The following TTN variants were observed in gnomAD, a reference collection of about 807,000 sequenced individuals.
TTN encodes the protein connectin.
A neutral mutation model predicts 3,223.0 loss-of-function variants in TTN; 1,525 were observed. The ratio of observed to expected loss-of-function variants is 0.47; its 90% CI spans 0.45 to 0.49. The LOEUF (loss-of-function observed/expected upper bound fraction) is 0.49. TTN is among the 20% of genes least tolerant of loss of function. TTN has a pLI of 0.00. For synonymous variants in TTN, 14,094 were observed against 15,161.0 expected (o/e 0.93, Z 5.17); for missense variants, 40,786 against 43,424.0 (o/e 0.94, Z 5.40).
Position 178,729,724 on chromosome 2 carries a change from C to T in TTN, c.18529G>A (p.Val6177Met), listed in dbSNP as rs1553921514. 4 of 1,613,800 alleles carry T rather than the reference C, an allele frequency of 2.5e-6. No homozygotes were observed. Among genetic ancestry groups the T allele is most frequent in the Non-Finnish European group, 3.4e-6 (4 of 1,179,748 alleles). Residue 6177 changes from valine to methionine, a missense_variant, in exon 63 of 363, where the codon GTG (valine) becomes ATG (methionine). Transcript: ENST00000589042. ...CCTGCGTCATTTCGAGCTTCACACA[C>T]ATAAGTCCCACTATTTTCTACCCTG... ...GARVENSGTY[V>M]CEARNDAGTA...
At position 178,625,306 on chromosome 2, in the gene TTN, C is replaced by T. The variant is rs753336110; in HGVS notation, c.44515G>A (p.Asp14839Asn). Residue 14839 changes from aspartate (D) to asparagine (N), a missense_variant, in exon 241 of 363, where the codon GAT becomes AAT. Coordinates refer to ENST00000589042, the MANE Select transcript of TTN (RefSeq NM_001267550.2). ...DAGEVQLTAK[D>N]FKTHANLFVK... Reference sequence around the variant, plus strand: ...AAGAGGTTGGCGTGAGTTTTGAAATCTTTTGCTGTTAGTTGGACTTCCCCA... The same window carrying T: ...AAGAGGTTGGCGTGAGTTTTGAAATTTTTTGCTGTTAGTTGGACTTCCCCA... 1 of 1,607,792 alleles carries T rather than the reference C, an allele frequency of 6.2e-7. No individual in the cohort carries two copies. Among genetic ancestry groups the T allele is most frequent in the South Asian group, 1.1e-5 (1 of 90,240 alleles).
At position 178,779,093 on chromosome 2, in the gene TTN, C is replaced by A; in HGVS notation, c.3989G>T (p.Arg1330Leu). The change falls in exon 24 of 363, where the codon CGC becomes CTC. Residue 1330 changes from arginine to leucine, a missense_variant. Physicochemically the swap from Arg to Leu is moderately radical, Grantham distance 102. Transcript: ENST00000589042. ...PKIAWYKDGKRIKHGERYQMD... is the reference protein window; with the variant it reads ...PKIAWYKDGKLIKHGERYQMD... ...TTGGTATCTTTCTCCATGTTTGATGCGCTTGCCATCTTTGTACCAAGCAAT... is the reference window on the plus strand; with the variant it reads ...TTGGTATCTTTCTCCATGTTTGATGAGCTTGCCATCTTTGTACCAAGCAAT... 6.2e-7 allele frequency: 1 copy of A among 1,613,782 alleles called. No individual in the cohort carries two copies. Among genetic ancestry groups the A allele is most frequent in the South Asian group, 1.1e-5 (1 of 91,052 alleles).
rs1295762058 is a variant in TTN at position 178,738,067 on chromosome 2, A to G, written c.14371+15T>C. 3 of 1,607,986 alleles carry G rather than the reference A, an allele frequency of 1.9e-6. No homozygotes were observed. Among genetic ancestry groups the G allele is most frequent in the South Asian group, 1.1e-5 (1 of 90,666 alleles). ...AAATGAAGTGACAACATCTGTGCCA[A>G]TGTATGGCATTTACCTGTCACAGTT... On this transcript the variant is annotated intron_variant, in intron 49 of 362. Coordinates refer to ENST00000589042, the MANE Select transcript of TTN (RefSeq NM_001267550.2).
chr2:178,721,817 C>G, intron 78 of TTN, 30 bp downstream of exon 78: 2 of 1,463,314 alleles, frequency 1.4e-6, no homozygotes, highest in Non-Finnish European at 9.1e-7. Context: ...TGGTAAGGAA[C>G]AAATATTGTC....
At chr2:178,701,408 G>A in intron 110 of TTN, 120 bp downstream of exon 110, 1 of 1,108,438 alleles carries the variant, frequency 9.0e-7, no homozygotes, top group Non-Finnish European at 1.3e-6. Flanking sequence ...TGAAGAATAT[G>A]ACATGGAAGG....
intron 278 of TTN, 101 bp from the exon 279 acceptor site, chr2:178,605,814 T>C: frequency 9.2e-7 from 1 of 1,090,522 alleles, no homozygotes; most frequent in Non-Finnish European, 1.2e-6. Context: ...AGCCTTCTGT[T>C]TGGCATAACC....
At chr2:178,691,959 A>G in intron 121 of TTN, 57 bp downstream of exon 121, 1 of 1,466,694 alleles carries the variant, frequency 6.8e-7, no homozygotes, top group Non-Finnish European at 9.4e-7. Flanking sequence ...AAGATCGTAG[A>G]AAGCAAAAGG....
intron 359 of TTN, 52 bp downstream of exon 359, chr2:178,529,908 T>A: frequency 1.3e-6 from 2 of 1,536,484 alleles, no homozygotes; most frequent in East Asian, 2.3e-5. Flanking sequence ...TGAAAATATT[T>A]CCCTAATATT....
Position 178,551,932 on chromosome 2 carries a change from C to T in TTN, c.90968G>A (p.Arg30323Lys), listed in dbSNP as rs11887722. 6.5e-3 allele frequency: 10,503 copies of T among 1,613,532 alleles called. 517 individuals carry two copies. The African/African-American group carries it at 0.11, about 18-fold the overall frequency. ...TGGCTTTCCTGGGGGACCAGGAATC[C>T]TGAACTGGTGTTTTGCCACAATAAT... ...SSIIVAKHQF[R>K]IPGPPGKPVI... is the part of the protein sequence containing the mutation. The change falls in exon 335 of 363, where the codon AGG (arginine) becomes AAG (lysine). Residue 30323 changes from arginine (R) to lysine (K), a missense_variant. By Grantham distance (26) the Arg-to-Lys change is conservative. Coordinates refer to ENST00000589042, the MANE Select transcript of TTN (RefSeq NM_001267550.2).
chr2:178,530,159 T>C, intron 358 of TTN, 43 bp from the exon 359 acceptor site: 2 of 1,566,434 alleles, frequency 1.3e-6, no homozygotes, highest in Non-Finnish European at 1.7e-6. Flanking sequence ...GTGATTTCAT[T>C]TTAAGCTTTT....
At chr2:178,665,302 A>T in intron 165 of TTN, 75 bp downstream of exon 165, 2 of 1,333,840 alleles carry the variant, frequency 1.5e-6, no homozygotes, top group East Asian at 2.3e-5. Flanking sequence ...TATGAAGAGT[A>T]TTAGGAAGAA....
chr2:178,528,200 G>A, intron 361 of TTN, 74 bp downstream of exon 361: 1 of 1,481,722 alleles, frequency 6.7e-7, no homozygotes, highest in Non-Finnish European at 9.1e-7. Context: ...AGAGTTTTCT[G>A]TGCTTGAAAG....
chr2:178,712,332 G>A lies in TTN; in HGVS notation c.27590C>T (p.Ala9197Val), dbSNP rs1219833647. The A allele has an allele frequency of 1.2e-6, 2 of 1,613,592 alleles. No homozygotes were observed. Among genetic ancestry groups the A allele is most frequent in the East Asian group, 2.2e-5 (1 of 44,876 alleles). The part of the protein sequence containing the change: ...ENASGKDSCS[A>V]QILILEPPYF... ...TGACAAACCTAGTATGAGTATTTGT[G>A]CTGAACAGGAATCTTTTCCAGAGGC... The change falls in exon 95 of 363, where the codon GCA becomes GTA. Residue 9197 changes from alanine to valine, a missense_variant. By Grantham distance (64) the Ala-to-Val change is moderately conservative. Transcript: ENST00000589042.
At chr2:178,665,340 T>G in intron 165 of TTN, 37 bp downstream of exon 165, 2 of 1,566,140 alleles carry the variant, frequency 1.3e-6, no homozygotes, top group Non-Finnish European at 1.8e-6. Context: ...AGAGGACAGA[T>G]AATTTCTTCT....
Position 178,769,904 on chromosome 2 carries a change from C to T in TTN, c.8677G>A (p.Val2893Met). 1.2e-6 allele frequency: 2 copies of T among 1,614,024 alleles called. No homozygotes were observed. The highest frequency in any genetic ancestry group is 1.7e-6 in the Non-Finnish European group (2 of 1,179,984). Residue 2893 changes from valine to methionine, a missense_variant, in exon 37 of 363, where the codon GTG becomes ATG. Val to Met is a conservative substitution (Grantham distance 21). Transcript: ENST00000589042. The stretch of plus-strand genomic sequence containing the variant: ...AAAGAGGCAGTTTTGGTCTCAGGCA[C>T]CTCGATATTTTTCATGGTTTTTGTA... ...HITKTMKNIE[V>M]PETKTASFEC... is the part of the protein sequence containing the mutation.
Position 178,611,094 on chromosome 2 carries a change from A to G in TTN, c.51035T>C (p.Leu17012Pro). The G allele has an allele frequency of 6.2e-7, 1 of 1,612,830 alleles. No individual in the cohort carries two copies. The highest frequency in any genetic ancestry group is 8.5e-7 in the Non-Finnish European group (1 of 1,179,210). Reference sequence around the variant, plus strand: ...TGCACGGACACTCTTGGGAACTTCAAGGTGTGCAGAGATGTGATCATTCTT... The same window carrying G: ...TGCACGGACACTCTTGGGAACTTCAGGGTGTGCAGAGATGTGATCATTCTT... ...TMKNDHISAH[L>P]EVPKSVRADA... The change falls in exon 270 of 363, where the codon CTT becomes CCT. Residue 17012 changes from leucine to proline, a missense_variant. Physicochemically the swap from Leu to Pro is moderately conservative, Grantham distance 98 (BLOSUM62 -3). Coordinates refer to ENST00000589042, the MANE Select transcript of TTN (RefSeq NM_001267550.2).
intron 47 of TTN, chr2:178,751,961 T>C (rs775155828): frequency 6.3e-7 from 1 of 1,589,512 alleles, no homozygotes; most frequent in South Asian, 1.2e-5. Context: ...CATGGATTTG[T>C]GGTCTATGTC....
intron 145 of TTN, 52 bp downstream of exon 145, chr2:178,678,073 T>A: frequency 6.3e-7 from 1 of 1,579,050 alleles, no homozygotes; most frequent in Middle Eastern, 1.7e-4. Flanking sequence ...TAAGGCTGTA[T>A]AACACCAGTT....
intron 240 of TTN, among the ~76,000 whole-genome samples, chr2:178,625,687 A>G (rs2058930550): frequency 6.6e-6 from 1 of 152,000 alleles, no homozygotes; most frequent in African/African-American, 2.4e-5. Flanking sequence ...CTCATCATCT[A>G]GCATTGGGTA....
Sources: gnomAD v4.1 joint callset for allele counts (sites outside exome capture counted in the v4.1 genomes callset) on GRCh38, gnomAD v4.1.1 for gene constraint, MANE v1.5 for transcripts, NCBI Gene and HGNC (gene_info 2026-07-23, HGNC 2026-07-21) for gene names.